Variants in CLEC2A observed in about 807,000 individuals in gnomAD.
CLEC2A encodes the protein keratinocyte-associated C-type lectin.
CLEC2A carries 19 observed loss-of-function variants against 18.6 expected under a neutral mutation model. The ratio of observed to expected loss-of-function variants is 1.02; its 90% CI spans 0.71 to 1.50. The LOEUF is 1.50. CLEC2A is among the 40% of genes most tolerant of loss of function. CLEC2A has a pLI of 0.00. For missense variants in CLEC2A, 190 were observed against 207.9 expected, an observed-to-expected ratio of 0.91 and a Z score of 0.53; for synonymous variants, 74 against 64.0, an observed-to-expected ratio of 1.16 and a Z score of -0.75.
At chr12:9,910,648 G>A (rs1022144353), downstream of CLEC2A, among the ~76,000 whole-genome samples, 13 of 152,138 alleles carry the variant, frequency 8.5e-5, no homozygotes, top group Admixed American at 5.9e-4. Context: ...AAGATATCCC[G>A]ACCTCCAAGG....
At chr12:9,898,029 A>G (rs1862776332), downstream of CLEC2A, among the ~76,000 whole-genome samples, 2 of 152,222 alleles carry the variant, frequency 1.3e-5, no homozygotes, top group Non-Finnish European at 2.9e-5. Context: ...ATAAAGTACT[A>G]AAATGCTGTA....
intron 4 of CLEC2A, among the ~76,000 whole-genome samples, chr12:9,901,450 G>C (rs113199015): frequency 1.5e-3 from 228 of 152,216 alleles, no homozygotes; most frequent in African/African-American, 5.4e-3. Flanking sequence ...TTAATTATGA[G>C]TGATAGCATA....
chr12:9,922,635 A>C (rs1487557780), intron 2 of CLEC2A, among the ~76,000 whole-genome samples: 1 of 152,246 alleles, frequency 6.6e-6, no homozygotes, highest in African/African-American at 2.4e-5. Context: ...CCAAGCTAGG[A>C]AAGTGAAACT....
downstream of CLEC2A, among the ~76,000 whole-genome samples, chr12:9,910,868 C>T (rs151087842): frequency 7.0e-3 from 1,066 of 152,224 alleles, 7 homozygotes; most frequent in Non-Finnish European, 0.011. Context: ...TGATCTGGGA[C>T]CCTTCCCCAG....
Position 9,913,233 on chromosome 12 carries a change from T to A in CLEC2A, c.*333A>T, listed in dbSNP as rs1454437991. On this transcript the variant is annotated 3_prime_UTR_variant, in exon 5 of 5. Transcript: ENST00000455827. ...TGTTTATTATTTGTAGATGCTATGT[T>A]CTGAGTATTTGGGTCCTCCCAAAAC... 1.9e-5 allele frequency: 6 copies of A among 309,254 alleles called. No individual in the cohort carries two copies. The highest frequency in any genetic ancestry group is 4.4e-5 in the African/African-American group (2 of 45,014). 19.2% of individuals were successfully genotyped at this position (309,254 alleles called of 1,614,324 possible).
At chr12:9,905,313 C>G (rs956309976) in intron 4 of CLEC2A, among the ~76,000 whole-genome samples, 2 of 152,106 alleles carry the variant, frequency 1.3e-5, no homozygotes, top group Non-Finnish European at 2.9e-5. Context: ...TTCAAGTTTT[C>G]CTTCTTTCCA....
chr12:9,903,343 C>T (rs185673609), intron 4 of CLEC2A, among the ~76,000 whole-genome samples: 225 of 152,180 alleles, frequency 1.5e-3, no homozygotes, highest in African/African-American at 5.3e-3. Flanking sequence ...GCACAGAATA[C>T]AATATAATAT....
the CLEC2A span, chr12:9,892,933 A>G: frequency 3.5e-6 from 4 of 1,154,360 alleles, no homozygotes; most frequent in Non-Finnish European, 4.7e-6. Context: ...GGAAAAATCT[A>G]TTTTCCAAGT....
At position 9,926,311 on chromosome 12, in the gene CLEC2A, G is replaced by A. The variant is rs1380609614; in HGVS notation, c.88C>T (p.Leu30Phe). ...ATAATAATACTCAGGAAGCACATAA[G>A]GCCAATCTTCCAGTTTTGTATCAAC... is the stretch of plus-strand genomic sequence containing the variant. ...PKLIQNWKIG[L>F]MCFLSIIITT... Residue 30 changes from leucine (L) to phenylalanine (F), a missense_variant, in exon 2 of 5, where the codon CTT becomes TTT. Transcript: ENST00000455827. The A allele has an allele frequency of 6.5e-7, 1 of 1,549,776 alleles. No homozygotes were observed. The highest frequency in any genetic ancestry group is 1.2e-5 in the South Asian group (1 of 84,012).
chr12:9,887,481 CAA>C, the CLEC2A span, among the ~76,000 whole-genome samples: 4 of 152,098 alleles, frequency 2.6e-5, no homozygotes, highest in Non-Finnish European at 5.9e-5. Flanking sequence ...AGATTTGAAA[CAA>C]GAGTAATCAA....
At chr12:9,930,003 C>T (rs1330872458) in intron 1 of CLEC2A, among the ~76,000 whole-genome samples, 1 of 151,852 alleles carries the variant, frequency 6.6e-6, no homozygotes, top group Non-Finnish European at 1.5e-5. Context: ...CTAGGCCTGC[C>T]GTAACAAGTT....
intron 4 of CLEC2A, among the ~76,000 whole-genome samples, chr12:9,902,718 G>T (rs1303055901): frequency 6.6e-6 from 1 of 151,998 alleles, no homozygotes; most frequent in Non-Finnish European, 1.5e-5. Context: ...GGATTTCTCA[G>T]CAAGGCAATT....
chr12:9,885,918 A>G, the CLEC2A span, among the ~76,000 whole-genome samples: 1 of 152,096 alleles, frequency 6.6e-6, no homozygotes, highest in Non-Finnish European at 1.5e-5. Context: ...TAAGAAGTTG[A>G]ATCCACTGTA....
intron 4 of CLEC2A, 151 bp downstream of exon 4, chr12:9,916,549 T>G: frequency 5.3e-6 from 3 of 564,856 alleles, no homozygotes; most frequent in Non-Finnish European, 6.3e-6. Context: ...TGCTTCAATG[T>G]GAAAGGGCAT....
intron 1 of CLEC2A, among the ~76,000 whole-genome samples, chr12:9,929,312 GT>G (rs2137058481): frequency 6.6e-6 from 1 of 152,174 alleles, no homozygotes; most frequent in South Asian, 2.1e-4. Context: ...TTGCTAAACA[GT>G]AGTAGTTACA....
downstream of CLEC2A, among the ~76,000 whole-genome samples, chr12:9,909,672 T>C (rs1862954779): frequency 6.6e-6 from 1 of 152,222 alleles, no homozygotes; most frequent in South Asian, 2.1e-4. Context: ...GGATAGGGGA[T>C]AAAGGGAAGT....
In CLEC2A at chr12:9,913,680, C is replaced by T. The variant is rs142033208; in HGVS notation, c.411G>A (p.Trp137Ter). The T allele has an allele frequency of 5.6e-4, 865 of 1,538,826 alleles. 6 individuals carry two copies. The African/African-American group carries it at 9.7e-3, about 17-fold the overall frequency. The change falls in exon 5 of 5, where the codon TGG (tryptophan) becomes TGA (stop). Residue 137 changes from tryptophan to a stop codon, truncating the protein, a stop_gained and splice_region_variant. Coordinates refer to ENST00000455827, the MANE Select transcript of CLEC2A (RefSeq NM_001130711.2). LOFTEE classifies it low-confidence loss of function (END_TRUNC). ...AGGATCCGTTCCCTATAATTTCAAA[C>T]CTGAAAAAGAACACTCTAAATCAGT... ...KWTNGTTFNG[W>*]FEIIGNGSFA... is the part of the protein sequence containing the mutation.
the CLEC2A span, among the ~76,000 whole-genome samples, chr12:9,881,818 A>G: frequency 6.6e-6 from 1 of 152,164 alleles, no homozygotes; most frequent in African/African-American, 2.4e-5. Context: ...AGATTCATGA[A>G]AGCATCAACA....
chr12:9,884,583 T>A, the CLEC2A span, among the ~76,000 whole-genome samples: 1 of 148,790 alleles, frequency 6.7e-6, no homozygotes, highest in Non-Finnish European at 1.5e-5. Flanking sequence ...ATAATATATA[T>A]GTTTACATTG....
Sources: gnomAD v4.1 joint callset for allele counts (sites outside exome capture counted in the v4.1 genomes callset) on GRCh38, gnomAD v4.1.1 for gene constraint, MANE v1.5 for transcripts, NCBI Gene and HGNC (gene_info 2026-07-23, HGNC 2026-07-21) for gene names.